The following RALGAPA1 variants were observed in gnomAD, a reference collection of about 807,000 sequenced individuals.
The protein encoded by RALGAPA1 is ral GTPase-activating protein subunit alpha-1.
A neutral mutation model predicts 269.6 loss-of-function variants in RALGAPA1; 52 were observed. That is an observed-to-expected ratio of 0.19 (90% CI 0.15 to 0.24). RALGAPA1 has a LOEUF of 0.24. Among genes scored for constraint, RALGAPA1 ranks in the 10% least tolerant of loss-of-function variants. RALGAPA1 has a pLI of 1.00. For missense variants in RALGAPA1, 1,917 were observed against 3,013.9 expected, an observed-to-expected ratio of 0.64 and a Z score of 8.52; for synonymous variants, 817 against 1,008.3, an observed-to-expected ratio of 0.81 and a Z score of 3.60.
intron 12 of RALGAPA1, among the ~76,000 whole-genome samples, chr14:35,733,593 T>A (rs4981301): frequency 0.12 from 17,619 of 152,030 alleles, 1,116 homozygotes; most frequent in South Asian, 0.14. Context: ...GGAAAGTTCA[T>A]AGCCCTAAAA....
intron 28 of RALGAPA1, among the ~76,000 whole-genome samples, chr14:35,656,880 A>C (rs2140074773): frequency 6.6e-6 from 1 of 152,230 alleles, no homozygotes; most frequent in East Asian, 1.9e-4. Context: ...TGTAGCACTA[A>C]ATAACCAAGC....
chr14:35,743,071 T>G (rs1229716298), intron 10 of RALGAPA1, among the ~76,000 whole-genome samples: 1 of 151,986 alleles, frequency 6.6e-6, no homozygotes, highest in African/African-American at 2.4e-5. Flanking sequence ...GTGTACAGTT[T>G]TGGGATATGG....
chr14:35,716,214 T>C, intron 16 of RALGAPA1: 1 of 288,320 alleles, frequency 3.5e-6, no homozygotes, highest in Non-Finnish European at 5.2e-6. Flanking sequence ...GTCAACATGG[T>C]GAAACCCCTT....
intron 10 of RALGAPA1, among the ~76,000 whole-genome samples, chr14:35,743,226 T>C (rs1349545733): frequency 6.6e-6 from 1 of 152,182 alleles, no homozygotes. Flanking sequence ...AGATCTGCTG[T>C]ACATTTATTT....
At chr14:35,561,390 A>C (rs565265567) in intron 39 of RALGAPA1, among the ~76,000 whole-genome samples, 6 of 151,588 alleles carry the variant, frequency 4.0e-5, no homozygotes, top group Non-Finnish European at 7.4e-5. Flanking sequence ...TTAAATAATT[A>C]CTCTGTATAC....
At chr14:35,805,423 CAG>C (rs1269776611) in intron 1 of RALGAPA1, among the ~76,000 whole-genome samples, 2 of 141,790 alleles carry the variant, frequency 1.4e-5, no homozygotes, top group East Asian at 4.2e-4. Context: ...GCCTGGGTGA[CAG>C]AGTGAGACTC....
chr14:35,762,647 A>G, intron 5 of RALGAPA1, 63 bp downstream of exon 5: 6 of 914,922 alleles, frequency 6.6e-6, no homozygotes, highest in Non-Finnish European at 1.1e-5. Context: ...GAAAAGTGTT[A>G]ACAGGTGGGA....
At chr14:35,786,156 C>T (rs2075779364) in intron 1 of RALGAPA1, among the ~76,000 whole-genome samples, 1 of 149,638 alleles carries the variant, frequency 6.7e-6, no homozygotes, top group African/African-American at 2.5e-5. Context: ...GACCTTGTCT[C>T]AAAAAGAAAA....
intron 1 of RALGAPA1, among the ~76,000 whole-genome samples, chr14:35,786,297 G>A (rs2075788712): frequency 6.6e-6 from 1 of 152,134 alleles, no homozygotes. Flanking sequence ...AAAGTAGAGT[G>A]ATACAGTCAG....
chr14:35,582,569 G>T (rs997784052), intron 37 of RALGAPA1, among the ~76,000 whole-genome samples: 14 of 152,286 alleles, frequency 9.2e-5, no homozygotes, highest in African/African-American at 3.4e-4. Flanking sequence ...ACTGCTGGAA[G>T]CTCAGTGTGG....
At chr14:35,565,397 A>G (rs2056613802) in intron 39 of RALGAPA1, among the ~76,000 whole-genome samples, 1 of 151,572 alleles carries the variant, frequency 6.6e-6, no homozygotes, top group African/African-American at 2.4e-5. Flanking sequence ...ATACTGTTAC[A>G]GTTATATTTT....
chr14:35,706,614 C>CTTTTTTTTTTTTTTTT (rs58711278), intron 16 of RALGAPA1: 1 of 111,216 alleles, frequency 9.0e-6, no homozygotes, highest in African/African-American at 3.9e-5. Context: ...TTTGCCTTTC[C>CTTTTTTTTTTTTTTTT]TTTTTTTTTT....
chr14:35,785,585 GTC>G (rs898502290), intron 1 of RALGAPA1, among the ~76,000 whole-genome samples: 2 of 152,194 alleles, frequency 1.3e-5, no homozygotes, highest in African/African-American at 4.8e-5. Context: ...TTCTCAAACT[GTC>G]TGTGAAGGAC....
At chr14:35,770,916 A>G (rs367785990) in intron 4 of RALGAPA1, 26 bp downstream of exon 4, 31 of 999,644 alleles carry the variant, frequency 3.1e-5, no homozygotes, top group Middle Eastern at 2.4e-4. Flanking sequence ...TGTTTCAAAT[A>G]TGAAATACAT....
chr14:35,721,220 A>G (rs141496257), intron 16 of RALGAPA1, among the ~76,000 whole-genome samples: 96 of 152,296 alleles, frequency 6.3e-4, no homozygotes, highest in Middle Eastern at 3.4e-3. Flanking sequence ...AAACTCAGTA[A>G]CAGACTCCAT....
At chr14:35,691,954 C>A (rs558610843) in intron 17 of RALGAPA1, among the ~76,000 whole-genome samples, 1 of 152,064 alleles carries the variant, frequency 6.6e-6, no homozygotes, top group Admixed American at 6.5e-5. Flanking sequence ...AAGTGAAAAG[C>A]GAAACATTTC....
rs1179840823 is a variant in RALGAPA1 at position 35,654,497 on chromosome 14, G to T, written c.5497-20C>A. On this transcript the variant is annotated intron_variant, in intron 29 of 41. Transcript: ENST00000680220. ...AGTAAACTGCAATAATAAAAAAAAAGTTTTAAAAATTTTCATGATGAACTT... is the reference window on the plus strand; with the variant it reads ...AGTAAACTGCAATAATAAAAAAAAATTTTTAAAAATTTTCATGATGAACTT... 4 of 1,567,416 alleles carry T rather than the reference G, an allele frequency of 2.6e-6. No individual in the cohort carries two copies. The highest frequency in any genetic ancestry group is 2.8e-5 in the African/African-American group (2 of 71,606).
intron 33 of RALGAPA1, among the ~76,000 whole-genome samples, chr14:35,629,282 G>GTGTGTGTGT (rs1555381640): frequency 3.4e-5 from 5 of 145,386 alleles, no homozygotes; most frequent in Middle Eastern, 3.5e-3. Context: ...ATGTTTAGGG[G>GTGTGTGTGT]GTGTGTGTGT....
Position 35,688,682 on chromosome 14 carries a change from TC to T in RALGAPA1, c.3728del (p.Gly1243GlufsTer7). 1 of 1,486,478 alleles carries T rather than the reference TC, an allele frequency of 6.7e-7. No individual in the cohort carries two copies. Among genetic ancestry groups the T allele is most frequent in the Non-Finnish European group, 8.9e-7 (1 of 1,126,150 alleles). The allele number at this position is 1,486,478 out of a possible 1,614,324, so 92.1% of individuals were successfully genotyped here. A position where few individuals can be genotyped will look rare whatever the true frequency, so the allele number is the denominator to read the frequency against. ...GACTACCTAATTGACTACTTGCAAT[TC>T]CTTCTTTTTGTAATATGGTGGTGGG... is the stretch of plus-strand genomic sequence containing the variant. Reference protein sequence around the residue: ...EIPTTILQKEGIASSQLGSRS... With the variant: ...EIPTTILQKEXIASSQLGSRS... On this transcript the variant is annotated frameshift_variant, in exon 18 of 42. Coordinates refer to ENST00000680220, the MANE Select transcript of RALGAPA1 (RefSeq NM_001346249.2). LOFTEE classifies it high-confidence loss of function.
Sources: allele counts gnomAD v4.1 joint callset (sites outside exome capture counted in the v4.1 genomes callset), GRCh38; gene constraint gnomAD v4.1.1; transcripts MANE v1.5; gene names NCBI Gene and HGNC (gene_info 2026-07-23, HGNC 2026-07-21).